The following ARL15 variants were observed in gnomAD, a reference collection of about 807,000 sequenced individuals.
The protein encoded by ARL15 is ADP-ribosylation factor-like protein 15.
In ARL15, 19 loss-of-function variants were observed where a neutral mutation model predicts 25.2. The ratio of observed to expected loss-of-function variants is 0.75; its 90% CI spans 0.53 to 1.10. The LOEUF (loss-of-function observed/expected upper bound fraction) is 1.10, where lower values mean the gene tolerates loss of function less well. Ranked by LOEUF, ARL15 falls within the 50% of genes least tolerant of loss-of-function variation. The probability of loss-of-function intolerance (pLI) is 0.00; values close to 1 mark genes in which losing one functional copy is unlikely to be tolerated. For synonymous variants in ARL15, 94 were observed against 86.8 expected (o/e 1.08, Z -0.46); for missense variants, 220 against 246.0 (o/e 0.89, Z 0.71).
intron 4 of ARL15, among the ~76,000 whole-genome samples, chr5:54,054,327 A>G (rs1178072018): frequency 6.6e-6 from 1 of 152,228 alleles, no homozygotes; most frequent in Non-Finnish European, 1.5e-5. Context: ...TGAGACTTGC[A>G]CCAGTGGATT....
At chr5:54,156,543 A>G (rs1316338749) in intron 2 of ARL15, among the ~76,000 whole-genome samples, 1 of 152,212 alleles carries the variant, frequency 6.6e-6, no homozygotes, top group Admixed American at 6.5e-5. Flanking sequence ...TATAATTACA[A>G]ACTTGATTCT....
chr5:54,018,179 C>T (rs1749484897), intron 4 of ARL15, among the ~76,000 whole-genome samples: 1 of 152,142 alleles, frequency 6.6e-6, no homozygotes, highest in Admixed American at 6.5e-5. Flanking sequence ...AACTCTAATG[C>T]TTCACAAAAC....
chr5:54,072,812 A>T (rs924017163), intron 4 of ARL15, among the ~76,000 whole-genome samples: 8 of 152,196 alleles, frequency 5.3e-5, no homozygotes, highest in African/African-American at 1.9e-4. Flanking sequence ...TTACTTGGTT[A>T]GAGACTTTAC....
chr5:54,302,683 A>ATTCT, intron 1 of ARL15, among the ~76,000 whole-genome samples: 1 of 77,860 alleles, frequency 1.3e-5, no homozygotes, highest in East Asian at 4.6e-4. Flanking sequence ...TAAAATTAAG[A>ATTCT]TTTTTTTTTT....
intron 3 of ARL15, among the ~76,000 whole-genome samples, chr5:54,136,613 T>C (rs1753611548): frequency 6.6e-6 from 1 of 152,168 alleles, no homozygotes; most frequent in African/African-American, 2.4e-5. Context: ...GGAGAAAATG[T>C]TACACAATAA....
In ARL15 at chr5:54,202,277, G is replaced by A. The variant is rs563369347; in HGVS notation, c.49-30349C>T. The stretch of plus-strand genomic sequence containing the variant: ...AACCCCTGGAACCTGTGACTGTTAC[G>A]TTACATGGCCAGGGGGCATCAAGGT... On this transcript the variant is annotated intron_variant, in intron 1 of 4. Transcript: ENST00000504924. 7.9e-5 allele frequency among the ~76,000 whole-genome samples: 12 copies of A among 152,226 alleles called. No homozygotes were observed. In the South Asian group the frequency reaches 2.1e-3, roughly 26 times the overall value.
chr5:54,114,406 G>GAAAAAAAAAAAAAAAAA (rs1171369744), intron 3 of ARL15, among the ~76,000 whole-genome samples: 4 of 74,474 alleles, frequency 5.4e-5, no homozygotes, highest in African/African-American at 5.7e-5. Context: ...TCCATCTCAA[G>GAAAAAAAAAAAAAAAAA]AAAAAAAAAA....
intron 3 of ARL15, among the ~76,000 whole-genome samples, chr5:54,134,139 T>A (rs1402667549): frequency 6.6e-6 from 1 of 152,146 alleles, no homozygotes; most frequent in East Asian, 1.9e-4. Context: ...GATAGGCAAA[T>A]ATTGCCCCAG....
chr5:54,005,775 T>G (rs1342916917), intron 4 of ARL15, among the ~76,000 whole-genome samples: 2 of 150,722 alleles, frequency 1.3e-5, no homozygotes, highest in Non-Finnish European at 1.5e-5. Flanking sequence ...GGCAGGAGAA[T>G]GGTGTGAACC....
intron 4 of ARL15, among the ~76,000 whole-genome samples, chr5:53,984,016 A>T (rs77550257): frequency 0.061 from 9,313 of 152,230 alleles, 408 homozygotes; most frequent in Admixed American, 0.083. Context: ...CACCCGGGCT[A>T]TGTGCACAAA....
At chr5:54,237,724 A>G (rs1036524477) in intron 1 of ARL15, among the ~76,000 whole-genome samples, 1 of 152,222 alleles carries the variant, frequency 6.6e-6, no homozygotes, top group African/African-American at 2.4e-5. Context: ...AGCTGACTAG[A>G]AGAAATGCGG....
At chr5:53,941,897 G>T (rs1349205170) in intron 4 of ARL15, among the ~76,000 whole-genome samples, 6 of 152,144 alleles carry the variant, frequency 3.9e-5, no homozygotes, top group African/African-American at 1.4e-4. Context: ...GCTAAGCAAG[G>T]CCTGGGTCAG....
At chr5:53,922,053 A>G (rs1745874621) in intron 4 of ARL15, among the ~76,000 whole-genome samples, 1 of 152,224 alleles carries the variant, frequency 6.6e-6, no homozygotes. Context: ...CTGCTCATCA[A>G]ACTACTTCCT....
In ARL15 at chr5:54,102,173, C is replaced by T. The variant is rs754293465; in HGVS notation, c.462+11029G>A. Reference sequence around the variant, plus strand: ...AATTACAGGCGTGCACCACCACGCCCGGCTAATTTTTGTATTTTAGTAGAG... The same window carrying T: ...AATTACAGGCGTGCACCACCACGCCTGGCTAATTTTTGTATTTTAGTAGAG... On this transcript the variant is annotated intron_variant, in intron 4 of 4. Coordinates refer to ENST00000504924, the MANE Select transcript of ARL15 (RefSeq NM_019087.3). Among the ~76,000 whole-genome samples, 26 of 151,832 alleles carry T rather than the reference C, an allele frequency of 1.7e-4. 1 individual carries two copies. The highest frequency in any genetic ancestry group is 4.6e-4 in the Admixed American group (7 of 15,244).
At chr5:54,111,749 C>T (rs1240559155) in intron 4 of ARL15, among the ~76,000 whole-genome samples, 1 of 151,974 alleles carries the variant, frequency 6.6e-6, no homozygotes, top group African/African-American at 2.4e-5. Flanking sequence ...ATACATATTA[C>T]AAGATTTTTT....
intron 1 of ARL15, among the ~76,000 whole-genome samples, chr5:54,299,876 C>T (rs924787767): frequency 1.3e-5 from 2 of 151,988 alleles, no homozygotes; most frequent in Non-Finnish European, 2.9e-5. Context: ...CGTGAGCCAC[C>T]GCACCTGGCC....
At position 54,235,445 on chromosome 5, in the gene ARL15, C is replaced by G. The variant is rs181279928; in HGVS notation, c.49-63517G>C. The stretch of plus-strand genomic sequence containing the variant: ...ATTTATGTTTTAAAAAATGTACGCA[C>G]GTGTACCCATGTTTATGAGCACATA... On this transcript the variant is annotated intron_variant, in intron 1 of 4. Transcript: ENST00000504924. Among the ~76,000 whole-genome samples, 486 of 151,474 alleles carry G rather than the reference C, an allele frequency of 3.2e-3. 4 individuals carry two copies. The highest frequency in any genetic ancestry group is 0.013 in the South Asian group (61 of 4,796).
intron 4 of ARL15, among the ~76,000 whole-genome samples, chr5:53,988,056 T>C (rs1350569609): frequency 1.3e-5 from 2 of 151,898 alleles, no homozygotes; most frequent in Non-Finnish European, 2.9e-5. Flanking sequence ...TGAGCAGAGA[T>C]CGGGCCACTG....
intron 3 of ARL15, among the ~76,000 whole-genome samples, chr5:54,141,438 G>A (rs750373476): frequency 6.6e-5 from 10 of 151,888 alleles, no homozygotes; most frequent in Non-Finnish European, 1.5e-4. Flanking sequence ...CAAGAAAAGG[G>A]CCAAAGTCTC....
Sources: gnomAD v4.1 joint callset for allele counts (sites outside exome capture counted in the v4.1 genomes callset) on GRCh38, gnomAD v4.1.1 for gene constraint, MANE v1.5 for transcripts, NCBI Gene and HGNC (gene_info 2026-07-23, HGNC 2026-07-21) for gene names.